Variants in DMD observed in about 807,000 individuals in gnomAD.
DMD encodes the protein mutant dystrophin.
Under a neutral mutation model 330.1 loss-of-function variants are expected in DMD, and 63 were observed. That is an observed-to-expected ratio of 0.19 (90% CI 0.16 to 0.24). The LOEUF is 0.24. Among genes scored for constraint, DMD ranks in the 10% least tolerant of loss-of-function variants. DMD has a pLI of 1.00. For missense variants in DMD, 3,344 were observed against 2,684.1 expected, an observed-to-expected ratio of 1.25 and a Z score of -5.43; for synonymous variants, 1,223 against 959.8, an observed-to-expected ratio of 1.27 and a Z score of -5.07.
At chrX:32,685,630 C>T (rs7882613) in intron 9 of DMD, among the ~76,000 whole-genome samples, 9,030 of 111,366 alleles carry the variant, frequency 0.081, 907 homozygotes, top group African/African-American at 0.28. Flanking sequence ...GGCATCATTA[C>T]ACTTTAAATA....
chrX:32,118,848 G>A (rs1456578518), intron 44 of DMD, among the ~76,000 whole-genome samples: 1 of 110,604 alleles, frequency 9.0e-6, no homozygotes, highest in East Asian at 2.9e-4. Context: ...AGATCTTCAG[G>A]CATTAGATTC....
At chrX:33,097,149 A>C (rs2095177519) in intron 1 of DMD, among the ~76,000 whole-genome samples, 1 of 111,366 alleles carries the variant, frequency 9.0e-6, no homozygotes, top group African/African-American at 3.3e-5. Context: ...TAAAACACAT[A>C]AACTATGATT....
Position 32,265,663 on chromosome X carries a change from T to A in DMD, c.6290+21866A>T, listed in dbSNP as rs952704449. On this transcript the variant is annotated intron_variant, in intron 43 of 78. Transcript: ENST00000357033. ...CTACCCAAGGCTGTGGGAGCCCACC[T>A]TGCATCAGCGTGACCTGGATGTGAG... is the stretch of plus-strand genomic sequence containing the variant. Among the ~76,000 whole-genome samples, 6 of 112,537 alleles carry A rather than the reference T, an allele frequency of 5.3e-5. No homozygotes were observed. In the Admixed American group the frequency reaches 5.6e-4, roughly 11 times the overall value.
At position 32,446,549 on chromosome X, in the gene DMD, C is replaced by T. The variant is rs555351587; in HGVS notation, c.3786+1907G>A. On this transcript the variant is annotated intron_variant, in intron 27 of 78. Transcript: ENST00000357033. ...ACTCAAGGAAAGAGCAAGAAAGAAA[C>T]TGAACACAGAAGCAAAGGGAAGAAC... Among the ~76,000 whole-genome samples, 93 of 110,246 alleles carry T rather than the reference C, an allele frequency of 8.4e-4. 1 individual carries two copies. Among genetic ancestry groups the T allele is most frequent in the African/African-American group, 2.5e-3 (76 of 30,534 alleles).
chrX:31,214,444 T>C (rs2045111059), intron 64 of DMD, among the ~76,000 whole-genome samples: 1 of 112,438 alleles, frequency 8.9e-6, no homozygotes, highest in South Asian at 3.7e-4. Context: ...AACCCCATCA[T>C]AGGTTGAAAA....
intron 55 of DMD, among the ~76,000 whole-genome samples, chrX:31,606,530 T>C: frequency 9.0e-6 from 1 of 111,568 alleles, no homozygotes; most frequent in East Asian, 2.8e-4. Flanking sequence ...CGTTATAAAA[T>C]AAAGTAACAT....
intron 43 of DMD, among the ~76,000 whole-genome samples, chrX:32,275,247 C>T (rs549510758): frequency 4.5e-5 from 5 of 111,943 alleles, no homozygotes; most frequent in African/African-American, 6.5e-5. Flanking sequence ...ATAGAGGCTA[C>T]GCTTGATGGA....
intron 44 of DMD, among the ~76,000 whole-genome samples, chrX:32,096,991 T>A (rs1406348378): frequency 3.6e-5 from 4 of 112,096 alleles, no homozygotes; most frequent in African/African-American, 1.3e-4. Context: ...AGAAAATTCT[T>A]AAAGATTCAA....
chrX:32,801,025 T>C (rs1419979289), intron 7 of DMD, among the ~76,000 whole-genome samples: 1 of 111,416 alleles, frequency 9.0e-6, no homozygotes, highest in Non-Finnish European at 1.9e-5. Context: ...TAATTTATAA[T>C]CCTTTGGGTA....
chrX:32,453,629 G>A (rs888331947), intron 26 of DMD, among the ~76,000 whole-genome samples: 3 of 110,170 alleles, frequency 2.7e-5, no homozygotes, highest in Non-Finnish European at 1.9e-5. Flanking sequence ...ACTGTGCTAG[G>A]CATTGTGTTA....
intron 9 of DMD, among the ~76,000 whole-genome samples, chrX:32,669,004 T>C (rs1448465696): frequency 1.8e-5 from 2 of 111,454 alleles, no homozygotes; most frequent in Non-Finnish European, 3.8e-5. Context: ...TTGTATGTTA[T>C]ACACAGGAAT....
chrX:32,917,158 T>A (rs951373670), intron 2 of DMD, among the ~76,000 whole-genome samples: 1 of 96,542 alleles, frequency 1.0e-5, no homozygotes, highest in Non-Finnish European at 2.0e-5. Flanking sequence ...AGTGTGGCAC[T>A]TCCCCCCCCC....
chrX:32,057,332 C>T (rs1306647564), intron 44 of DMD, among the ~76,000 whole-genome samples: 1 of 110,945 alleles, frequency 9.0e-6, no homozygotes. Flanking sequence ...AAAATTATAT[C>T]TGTTTGCAAA....
chrX:32,960,733 C>A (rs185956053), intron 2 of DMD, among the ~76,000 whole-genome samples: 27 of 110,780 alleles, frequency 2.4e-4, no homozygotes, highest in Non-Finnish European at 3.8e-5. Flanking sequence ...AAAATCTCCC[C>A]TTACTAATTA....
chrX:32,851,869 C>A (rs976451390), intron 2 of DMD, among the ~76,000 whole-genome samples: 35 of 112,087 alleles, frequency 3.1e-4, no homozygotes, highest in African/African-American at 1.0e-3. Flanking sequence ...CCAGCCCTAT[C>A]CAGGGAGGTA....
At chrX:31,895,346 G>A in intron 47 of DMD, among the ~76,000 whole-genome samples, 1 of 112,183 alleles carries the variant, frequency 8.9e-6, no homozygotes, top group Non-Finnish European at 1.9e-5. Flanking sequence ...AGAAGAAAGA[G>A]ATCTTATGAC....
chrX:32,404,049 A>G (rs1175037467), intron 30 of DMD, among the ~76,000 whole-genome samples: 1 of 112,212 alleles, frequency 8.9e-6, no homozygotes, highest in Non-Finnish European at 1.9e-5. Context: ...ATCTGCAGTT[A>G]TATCTTTATT....
chrX:32,448,239 C>A (rs1337055134), intron 27 of DMD, among the ~76,000 whole-genome samples: 1 of 110,853 alleles, frequency 9.0e-6, no homozygotes, highest in East Asian at 2.8e-4. Context: ...TTAATTTTCT[C>A]AACAACTTAT....
At chrX:32,641,947 T>C (rs1045553493) in intron 11 of DMD, among the ~76,000 whole-genome samples, 4 of 111,665 alleles carry the variant, frequency 3.6e-5, no homozygotes, top group African/African-American at 1.3e-4. Context: ...CTCATGACCA[T>C]GATAATGGAA....
Sources: allele counts gnomAD v4.1 joint callset (sites outside exome capture counted in the v4.1 genomes callset), GRCh38; gene constraint gnomAD v4.1.1; transcripts MANE v1.5; gene names NCBI Gene and HGNC (gene_info 2026-07-23, HGNC 2026-07-21).